The following C5 variants were observed in gnomAD, a reference collection of about 807,000 sequenced individuals.
C5 encodes C3 and PZP-like alpha-2-macroglobulin domain-containing protein 4.
A neutral mutation model predicts 218.8 loss-of-function variants in C5; 140 were observed. The observed-to-expected ratio is 0.64, with a 90% confidence interval of 0.56 to 0.74. The LOEUF (loss-of-function observed/expected upper bound fraction) is 0.74. Among genes scored for constraint, C5 ranks in the 30% least tolerant of loss-of-function variants. The pLI is 0.00. For missense variants in C5, 1,700 were observed against 1,969.6 expected, an observed-to-expected ratio of 0.86 and a Z score of 2.59; for synonymous variants, 614 against 682.3, an observed-to-expected ratio of 0.90 and a Z score of 1.56.
rs1188254815 is a variant in C5 at position 121,021,639 on chromosome 9, T to A, written c.1172A>T (p.Asn391Ile). The A allele has an allele frequency of 6.2e-6, 10 of 1,613,888 alleles. No homozygotes were observed. In the African/African-American group the frequency reaches 1.2e-4, roughly 19 times the overall value. ...TTGGTTTACATCAATTGTTTGTGCA[T>A]TCAGTGTTACTGGGACTCCTCCTAC... is the stretch of plus-strand genomic sequence containing the variant. ...QLVGGVPVTL[N>I]AQTIDVNQET... Residue 391 changes from asparagine to isoleucine, a missense_variant, in exon 11 of 41, where the codon AAT (asparagine) becomes ATT (isoleucine). Coordinates refer to ENST00000223642, the MANE Select transcript of C5 (RefSeq NM_001735.3).
At chr9:120,988,833 T>C (rs539976013) in intron 25 of C5, among the ~76,000 whole-genome samples, 6 of 152,176 alleles carry the variant, frequency 3.9e-5, no homozygotes, top group African/African-American at 7.2e-5. Flanking sequence ...TGGAACAGGA[T>C]AGTGTGGTGG....
chr9:121,025,179 T>C (rs552862111), intron 9 of C5, among the ~76,000 whole-genome samples: 11 of 152,208 alleles, frequency 7.2e-5, no homozygotes, highest in Non-Finnish European at 1.6e-4. Flanking sequence ...AGAACTACTT[T>C]GGACATGAAT....
At position 121,031,442 on chromosome 9, in the gene C5, G is replaced by A. The variant is rs143505940; in HGVS notation, c.667+671C>T. 4.6e-3 allele frequency among the ~76,000 whole-genome samples: 707 copies of A among 152,128 alleles called. 4 individuals carry two copies. The highest frequency in any genetic ancestry group is 5.0e-3 in the Non-Finnish European group (343 of 67,994). On this transcript the variant is annotated intron_variant, in intron 6 of 40. Coordinates refer to ENST00000223642, the MANE Select transcript of C5 (RefSeq NM_001735.3). Reference sequence around the variant, plus strand: ...AAGTAAATCATTTATTGGTTTTACTGGGTTCCACTCACCTCATCTATGACT... The same window carrying A: ...AAGTAAATCATTTATTGGTTTTACTAGGTTCCACTCACCTCATCTATGACT...
the C5 span, among the ~76,000 whole-genome samples, chr9:121,069,280 C>T: frequency 1.4e-4 from 21 of 152,044 alleles, no homozygotes; most frequent in African/African-American, 4.8e-4. Context: ...GGAATACACA[C>T]GGAACTCAAA....
intron 31 of C5, among the ~76,000 whole-genome samples, chr9:120,970,858 A>C (rs1247884483): frequency 6.6e-6 from 1 of 152,194 alleles, no homozygotes; most frequent in East Asian, 1.9e-4. Flanking sequence ...GCATGAAAAT[A>C]CTTAAACAGC....
intron 10 of C5, among the ~76,000 whole-genome samples, chr9:121,022,639 CA>C (rs947131841): frequency 6.8e-6 from 1 of 147,800 alleles, no homozygotes; most frequent in African/African-American, 2.5e-5. Flanking sequence ...TTTCAAAGAA[CA>C]AAAAAAAATT....
Position 120,963,060 on chromosome 9 carries a change from G to A in C5, c.4324-93C>T, listed in dbSNP as rs2131670153. On this transcript the variant is annotated intron_variant, in intron 34 of 40. Coordinates refer to ENST00000223642, the MANE Select transcript of C5 (RefSeq NM_001735.3). ...TGATGAGATAGCACAATGCAGGGAT[G>A]TGATCTGTAATTCAAAGAAATTGAA... is the stretch of plus-strand genomic sequence containing the variant. 3.1e-6 allele frequency: 3 copies of A among 969,052 alleles called. No individual in the cohort carries two copies. The East Asian group carries it at 7.2e-5, about 23-fold the overall frequency. The allele number at this position is 969,052 out of a possible 1,614,324, so 60.0% of individuals were successfully genotyped here. A position where few individuals can be genotyped will look rare whatever the true frequency, so the allele number is the denominator to read the frequency against.
intron 16 of C5, 31 bp downstream of exon 16, chr9:121,015,168 C>T: frequency 4.9e-6 from 7 of 1,426,226 alleles, no homozygotes; most frequent in Non-Finnish European, 6.9e-6. Flanking sequence ...ATGACCATAA[C>T]CTTTTTACAA....
In C5 at chr9:121,026,325, T is replaced by C. The variant is rs190636537; in HGVS notation, c.874-745A>G. On this transcript the variant is annotated intron_variant, in intron 8 of 40. Coordinates refer to ENST00000223642, the MANE Select transcript of C5 (RefSeq NM_001735.3). ...AGGGAACCAGCGCCCTAATCTCAGT[T>C]CCAGCAATCATTAGCCCTAAACTAT... 4.1e-4 allele frequency among the ~76,000 whole-genome samples: 62 copies of C among 152,298 alleles called. 1 individual carries two copies. The South Asian group carries it at 5.8e-3, about 14-fold the overall frequency.
rs2047544553 is a variant in C5 at position 121,038,045 on chromosome 9, T to C, written c.422-94A>G. On this transcript the variant is annotated intron_variant, in intron 3 of 40. Coordinates refer to ENST00000223642, the MANE Select transcript of C5 (RefSeq NM_001735.3). ...CATCCTTAAAAGAGATGAATCTTAC[T>C]TTAAAAAACTCAATACACAAAAGTC... 4 of 615,948 alleles carry C rather than the reference T, an allele frequency of 6.5e-6. No individual in the cohort carries two copies. In the South Asian group the frequency reaches 9.3e-5, roughly 14 times the overall value. The allele number at this position is 615,948 out of a possible 1,614,324, so 38.2% of individuals were successfully genotyped here.
the C5 span, among the ~76,000 whole-genome samples, chr9:121,066,376 A>G: frequency 1.3e-5 from 2 of 151,854 alleles, no homozygotes; most frequent in South Asian, 2.1e-4. Flanking sequence ...CTGAAAATTA[A>G]AAAAAAGAAA....
chr9:121,012,831 G>A (rs2047272950), intron 17 of C5, among the ~76,000 whole-genome samples: 1 of 152,054 alleles, frequency 6.6e-6, no homozygotes, highest in African/African-American at 2.4e-5. Flanking sequence ...GAATACTGCA[G>A]ACAACTGTAA....
At chr9:121,007,000 T>A (rs1030532901) in intron 18 of C5, 23 bp from the exon 19 acceptor site, 1 of 1,545,624 alleles carries the variant, frequency 6.5e-7, no homozygotes, top group Non-Finnish European at 8.9e-7. Context: ...ATGTTGATAT[T>A]CAAATACAGT....
intron 32 of C5, 48 bp downstream of exon 32, chr9:120,970,122 A>G (rs1417948427): frequency 7.8e-7 from 1 of 1,275,440 alleles, no homozygotes. Flanking sequence ...ATTTATACAC[A>G]TGCTTTATTT....
intron 32 of C5, 94 bp from the exon 33 acceptor site, chr9:120,969,212 A>C: frequency 1.0e-6 from 1 of 971,730 alleles, no homozygotes; most frequent in Non-Finnish European, 1.7e-6. Flanking sequence ...ATTAATGAGC[A>C]AATCTTTGAA....
chr9:121,006,664 G>A (rs1278351737), intron 19 of C5, among the ~76,000 whole-genome samples: 4 of 151,944 alleles, frequency 2.6e-5, no homozygotes, highest in Non-Finnish European at 5.9e-5. Flanking sequence ...ACAACATAGC[G>A]AGACCCCTTC....
intron 37 of C5, 150 bp downstream of exon 37, chr9:120,961,332 T>C: frequency 3.0e-6 from 2 of 676,864 alleles, no homozygotes; most frequent in Non-Finnish European, 5.4e-6. Flanking sequence ...TTTACAATGC[T>C]CAAGGAATCA....
At chr9:121,002,316 G>GTGTGTGTGTATATA (rs572345213) in intron 20 of C5, among the ~76,000 whole-genome samples, 17 of 87,396 alleles carry the variant, frequency 1.9e-4, no homozygotes, top group East Asian at 3.6e-4. Context: ...ATATGTGTGT[G>GTGTGTGTGTATATA]TATATATATA....
rs749758686 is a variant in C5 at position 121,020,099 on chromosome 9, G to C, written c.1383C>G (p.Ser461Arg). 2 of 1,613,580 alleles carry C rather than the reference G, an allele frequency of 1.2e-6. No individual in the cohort carries two copies. Among genetic ancestry groups the C allele is most frequent in the Non-Finnish European group, 1.7e-6 (2 of 1,179,530 alleles). Reference sequence around the variant, plus strand: ...TCCAATCAATATAAAGGTAACTTTGGCTGAGAGATGAGTATGCTATTGCTC... The same window carrying C: ...TCCAATCAATATAAAGGTAACTTTGCCTGAGAGATGAGTATGCTATTGCTC... ...GYRAIAYSSL[S>R]QSYLYIDWTD... The change falls in exon 12 of 41, where the codon AGC (serine) becomes AGG (arginine). Residue 461 changes from serine (S) to arginine (R), a missense_variant. Physicochemically the swap from Ser to Arg is moderately radical, Grantham distance 110. Transcript: ENST00000223642.
Sources: gnomAD v4.1 joint callset for allele counts (sites outside exome capture counted in the v4.1 genomes callset) on GRCh38, gnomAD v4.1.1 for gene constraint, MANE v1.5 for transcripts, NCBI Gene and HGNC (gene_info 2026-07-23, HGNC 2026-07-21) for gene names.